Variants in FN1 observed in about 807,000 individuals in gnomAD.
FN1 encodes fibronectin 1, also known as fibronectin.
In FN1, 106 loss-of-function variants were observed where a neutral mutation model predicts 297.3. The observed-to-expected ratio is 0.36, with a 90% CI of 0.30 to 0.42. FN1 has a LOEUF of 0.42. Among genes scored for constraint, FN1 ranks in the 10% least tolerant of loss-of-function variants. FN1 has a pLI of 1.00. For synonymous variants in FN1, 1,149 were observed against 1,152.6 expected, an observed-to-expected ratio of 1.00 and a Z score of 0.06; for missense variants, 2,690 against 3,124.9, an observed-to-expected ratio of 0.86 and a Z score of 3.32.
intron 20 of FN1, among the ~76,000 whole-genome samples, chr2:215,401,238 GA>G (rs1553629582): frequency 1.8e-5 from 1 of 55,090 alleles, no homozygotes; most frequent in East Asian, 2.9e-4. Context: ...AAGAAAGAAA[GA>G]AAGAAAGAAA....
Position 215,392,933 on chromosome 2 carries a change from G to A in FN1, c.4067C>T (p.Thr1356Met), listed in dbSNP as rs1215182685. Residue 1356 changes from threonine (T) to methionine (M), a missense_variant and splice_region_variant, in exon 25 of 46, where the codon ACG becomes ATG. Transcript: ENST00000354785. Reference protein sequence around the residue: ...ESAPTTLTQQTAVPPPTDLRF... With the variant: ...ESAPTTLTQQMAVPPPTDLRF... ...ACGCAGAAGTTTTCAAAATTCACCC[G>A]TTTGTTGTGTCAGTGTAGTAGGGGC... 20 of 1,612,320 alleles carry A rather than the reference G, an allele frequency of 1.2e-5. No homozygotes were observed. Among genetic ancestry groups the A allele is most frequent in the African/African-American group, 4.0e-5 (3 of 74,860 alleles).
chr2:215,375,518 G>T, intron 37 of FN1, 111 bp downstream of exon 37: 3 of 1,257,296 alleles, frequency 2.4e-6, no homozygotes, highest in South Asian at 1.3e-5. Context: ...CCGGAAACAA[G>T]ATTCTCTGGA....
chr2:215,423,580 A>G (rs2064821536), intron 8 of FN1, 54 bp from the exon 9 acceptor site: 9 of 1,536,130 alleles, frequency 5.9e-6, no homozygotes, highest in Middle Eastern at 1.7e-4. Context: ...GAGCTTTCCA[A>G]TGTACACAGA....
chr2:215,417,178 AC>A (rs1294112815), intron 12 of FN1, among the ~76,000 whole-genome samples: 2 of 152,154 alleles, frequency 1.3e-5, no homozygotes, highest in Admixed American at 6.5e-5. Context: ...CTTTTTCGCT[AC>A]TGGTAGTTGG....
At chr2:215,389,630 A>G (rs1405370808) in intron 26 of FN1, among the ~76,000 whole-genome samples, 1 of 151,930 alleles carries the variant, frequency 6.6e-6, no homozygotes, top group Non-Finnish European at 1.5e-5. Context: ...TCTACTAAAA[A>G]TACAAAAAAA....
At chr2:215,418,700 G>C (rs1267413889) in intron 12 of FN1, among the ~76,000 whole-genome samples, 1 of 152,184 alleles carries the variant, frequency 6.6e-6, no homozygotes, top group Non-Finnish European at 1.5e-5. Context: ...GAGAGTGTTT[G>C]AACTGTGTGG....
At position 215,404,772 on chromosome 2, in the gene FN1, A is replaced by G. The variant is rs538221369; in HGVS notation, c.2987-117T>C. ...TCTCCTCAAGGTTGTAACTATGTGA[A>G]AGTCAAAACCCTGGAAAAACTGAGC... On this transcript the variant is annotated intron_variant, in intron 19 of 45. Coordinates refer to ENST00000354785, the MANE Select transcript of FN1 (RefSeq NM_212482.4). 6.0e-6 allele frequency: 6 copies of G among 993,800 alleles called. No homozygotes were observed. In the East Asian group the frequency reaches 1.5e-4, roughly 24 times the overall value. The allele number at this position is 993,800 out of a possible 1,614,324, so 61.6% of individuals were successfully genotyped here. A position where few individuals can be genotyped will look rare whatever the true frequency, so the allele number is the denominator to read the frequency against.
chr2:215,384,004 G>A lies in FN1; in HGVS notation c.4894+16C>T, dbSNP rs1176161937. 1 of 1,613,564 alleles carries A rather than the reference G, an allele frequency of 6.2e-7. No individual in the cohort carries two copies. The highest frequency in any genetic ancestry group is 1.1e-5 in the South Asian group (1 of 91,042). Reference sequence around the variant, plus strand: ...ATAAGTAAAAGCTGGTGTCACCCCAGAGTAGAAGTTTGTACCTGTTCGGTA... The same window carrying A: ...ATAAGTAAAAGCTGGTGTCACCCCAAAGTAGAAGTTTGTACCTGTTCGGTA... On this transcript the variant is annotated intron_variant, in intron 30 of 45. Transcript: ENST00000354785.
chr2:215,429,275 T>C (rs1443256057), intron 5 of FN1, among the ~76,000 whole-genome samples: 2 of 152,208 alleles, frequency 1.3e-5, no homozygotes. Flanking sequence ...CCCCAAATTA[T>C]TCAGTGTTAG....
intron 13 of FN1, chr2:215,414,527 C>T: frequency 3.3e-6 from 1 of 304,200 alleles, no homozygotes; most frequent in Non-Finnish European, 5.5e-6. Flanking sequence ...CCACATTGGG[C>T]AAGAACAATC....
At chr2:215,369,651 A>G (rs1349053469) in intron 41 of FN1, among the ~76,000 whole-genome samples, 1 of 152,196 alleles carries the variant, frequency 6.6e-6, no homozygotes, top group African/African-American at 2.4e-5. Flanking sequence ...GTGGCACGCT[A>G]TTGATTTAAA....
chr2:215,363,545 C>T (rs2106117318), intron 44 of FN1: 1 of 152,374 alleles, frequency 6.6e-6, no homozygotes, highest in South Asian at 2.1e-4. Context: ...CCAAGACAGG[C>T]CCCTGAACAC....
rs1297360387 is a variant in FN1, at chr2:215,407,948, C to G, written c.2518+160G>C. On this transcript the variant is annotated intron_variant, in intron 17 of 45. Coordinates refer to ENST00000354785, the MANE Select transcript of FN1 (RefSeq NM_212482.4). The stretch of plus-strand genomic sequence containing the variant: ...TGTGCCATAGAAAATAACTCCCCCA[C>G]CCCCGCCACACACACACACACACAC... 3.9e-4 allele frequency among the ~76,000 whole-genome samples: 3 copies of G among 7,686 alleles called. No individual in the cohort carries two copies. In the Admixed American group the frequency reaches 6.6e-3, roughly 17 times the overall value. 5.0% of individuals were successfully genotyped at this position (7,686 alleles called of 152,430 possible).
chr2:215,401,232 A>AAG (rs2061028045), intron 20 of FN1, among the ~76,000 whole-genome samples: 1 of 66,972 alleles, frequency 1.5e-5, no homozygotes, highest in African/African-American at 6.3e-5. Flanking sequence ...GAAAGAAAGA[A>AAG]AGAAAGAAAG....
chr2:215,432,421 T>C (rs1559612420), intron 3 of FN1, among the ~76,000 whole-genome samples: 1 of 152,202 alleles, frequency 6.6e-6, no homozygotes. Context: ...AACAGACATA[T>C]GCATATAAAG....
chr2:215,387,186 A>AT (rs778537860), intron 27 of FN1, among the ~76,000 whole-genome samples: 45 of 152,128 alleles, frequency 3.0e-4, no homozygotes, highest in Non-Finnish European at 5.1e-4. Context: ...TCAAGCATTC[A>AT]TTTTTTTCTT....
intron 40 of FN1, among the ~76,000 whole-genome samples, chr2:215,370,776 T>C (rs1475048115): frequency 2.0e-5 from 3 of 152,142 alleles, no homozygotes; most frequent in Admixed American, 6.5e-5. Flanking sequence ...CCATGTTTGC[T>C]TCACATAAAA....
In FN1 at chr2:215,425,212, G is replaced by A. The variant is rs757044102; in HGVS notation, c.918C>T (p.Gly306=). ...PQPHPQPPPY[G]HCVTDSGVVY... ...CCACACCACTGTCTGTGACACAGTG[G>A]CCATAGGGAGGAGGCTGGGGGTGAG... Residue 306 remains glycine, a synonymous_variant, in exon 7 of 46, where the codon GGC becomes GGT. Transcript: ENST00000354785. 6.2e-7 allele frequency: 1 copy of A among 1,614,144 alleles called. No individual in the cohort carries two copies. Among genetic ancestry groups the A allele is most frequent in the South Asian group, 1.1e-5 (1 of 91,080 alleles).
intron 19 of FN1, 76 bp from the exon 20 acceptor site, chr2:215,404,731 G>C: frequency 7.5e-7 from 1 of 1,325,356 alleles, no homozygotes; most frequent in Non-Finnish European, 1.1e-6. Context: ...AAACTTGATT[G>C]AATGTCTAAG....
Sources: allele counts gnomAD v4.1 joint callset (sites outside exome capture counted in the v4.1 genomes callset), GRCh38; gene constraint gnomAD v4.1.1; transcripts MANE v1.5; gene names NCBI Gene and HGNC (gene_info 2026-07-23, HGNC 2026-07-21).